The following PARS2 variants were observed in gnomAD, a reference collection of about 807,000 sequenced individuals.
PARS2 encodes the protein prolyl-tRNA synthetase 2, mitochondrial.
In PARS2, 20 loss-of-function variants were observed where a neutral mutation model predicts 27.4. The ratio of observed to expected loss-of-function variants is 0.73; its 90% confidence interval spans 0.51 to 1.06. The LOEUF is 1.06. Among genes scored for constraint, PARS2 ranks in the 50% least tolerant of loss-of-function variants. The pLI, the probability that PARS2 is intolerant of heterozygous loss-of-function variation, is 0.00. For missense variants in PARS2, 585 were observed against 602.1 expected (o/e 0.97, Z 0.30); for synonymous variants, 240 against 247.1 (o/e 0.97, Z 0.27).
At chr1:54,759,225 A>C in intron 1 of PARS2, 35 bp from the exon 2 acceptor site, 1 of 1,341,420 alleles carries the variant, frequency 7.5e-7, no homozygotes, top group Non-Finnish European at 1.0e-6. Context: ...AATGAGCCTC[A>C]TCCGTGTTCC....
In PARS2 at chr1:54,758,804, G is replaced by A. The variant is rs1189813013; in HGVS notation, c.358C>T (p.Pro120Ser). ...QAIGGQKVNM[P>S]SLSPAELWQA... ...CAGAGCTCTGCCGGGCTGAGGCTGG[G>A]CATGTTGACTTTCTGGCCCCCGATG... The change falls in exon 2 of 2, where the codon CCC becomes TCC. Residue 120 changes from proline to serine, a missense_variant. Pro to Ser is a moderately conservative substitution (Grantham distance 74). Coordinates refer to ENST00000371279, the MANE Select transcript of PARS2 (RefSeq NM_152268.4). The A allele has an allele frequency of 6.2e-7, 1 of 1,614,104 alleles. No homozygotes were observed. The highest frequency in any genetic ancestry group is 1.1e-5 in the South Asian group (1 of 91,082).
At chr1:54,762,721 G>A (rs1646164371) in intron 1 of PARS2, among the ~76,000 whole-genome samples, 1 of 152,116 alleles carries the variant, frequency 6.6e-6, no homozygotes, top group Admixed American at 6.5e-5. Context: ...TCAATAACAT[G>A]TTCCTTTTTT....
intron 1 of PARS2, among the ~76,000 whole-genome samples, chr1:54,760,392 C>G (rs1420573647): frequency 1.3e-5 from 2 of 152,238 alleles, no homozygotes; most frequent in Admixed American, 1.3e-4. Context: ...TTCGCCTGCT[C>G]TGCTCCTCTC....
At chr1:54,760,784 CTT>C (rs377045963) in intron 1 of PARS2, among the ~76,000 whole-genome samples, 2 of 147,118 alleles carry the variant, frequency 1.4e-5, no homozygotes, top group South Asian at 2.1e-4. Context: ...CACGCCCACT[CTT>C]TTTTTTTTTT....
chr1:54,763,666 G>A (rs1646169291), intron 1 of PARS2, among the ~76,000 whole-genome samples: 1 of 152,190 alleles, frequency 6.6e-6, no homozygotes, highest in Non-Finnish European at 1.5e-5. Flanking sequence ...GAGCAATACA[G>A]TAACTAACGT....
Position 54,761,423 on chromosome 1 carries a change from C to T in PARS2, c.-29-2233G>A, listed in dbSNP as rs1489192412. 2.0e-5 allele frequency among the ~76,000 whole-genome samples: 3 copies of T among 152,220 alleles called. No homozygotes were observed. In the East Asian group the frequency reaches 5.8e-4, roughly 29 times the overall value. ...TCTCTGATTTTACAAAATAATCACA[C>T]ATTTCTAATGGCAGTACGACATTCC... On this transcript the variant is annotated intron_variant, in intron 1 of 1. Coordinates refer to ENST00000371279, the MANE Select transcript of PARS2 (RefSeq NM_152268.4).
rs746323251 is a variant in PARS2, at chr1:54,758,849, T to C, written c.313A>G (p.Ile105Val). 11 of 1,614,210 alleles carry C rather than the reference T, an allele frequency of 6.8e-6. No homozygotes were observed. In the East Asian group the frequency reaches 2.2e-4, roughly 33 times the overall value. ...CCGATGGCCTGCATCTCCTGGTCTA[T>C]CACTCGCACGAGCTTCTCCATGGCA... The part of the protein sequence containing the change: ...VRAMEKLVRV[I>V]DQEMQAIGGQ... The change falls in exon 2 of 2, where the codon ATA (isoleucine) becomes GTA (valine). Residue 105 changes from isoleucine to valine, a missense_variant. Ile to Val is a conservative substitution (Grantham distance 29). Transcript: ENST00000371279.
In PARS2 at chr1:54,758,646, C is replaced by CAATTA; in HGVS notation, c.515_516insTAATT (p.Ser173AsnfsTer14). On this transcript the variant is annotated frameshift_variant, in exon 2 of 2. Transcript: ENST00000371279. LOFTEE classifies it high-confidence loss of function. ...GCAGGAAGGGAAGCTGCTTGTAGGA[C>CAATTA]AGTTTCTTCTGGGAGGCAATTAAGG... 6.2e-7 allele frequency: 1 copy of CAATTA among 1,614,208 alleles called. No homozygotes were observed. Among genetic ancestry groups the CAATTA allele is most frequent in the Non-Finnish European group, 8.5e-7 (1 of 1,180,040 alleles).
chr1:54,757,478 G>T lies in PARS2; in HGVS notation c.*256C>A. The T allele has an allele frequency of 2.7e-6, 1 of 368,226 alleles. No individual in the cohort carries two copies. Among genetic ancestry groups the T allele is most frequent in the Non-Finnish European group, 4.9e-6 (1 of 204,572 alleles). The allele number at this position is 368,226 out of a possible 1,614,324, so 22.8% of individuals were successfully genotyped here. A position where few individuals can be genotyped will look rare whatever the true frequency, so the allele number is the denominator to read the frequency against. ...GGATCTCCTGCTTCTCAGCCTCCTA[G>T]AAGCTTCCACAATGGAATACAAAAG... On this transcript the variant is annotated 3_prime_UTR_variant, in exon 2 of 2. Coordinates refer to ENST00000371279, the MANE Select transcript of PARS2 (RefSeq NM_152268.4).
Position 54,758,086 on chromosome 1 carries a change from T to A in PARS2, c.1076A>T (p.Asp359Val), listed in dbSNP as rs1646132141. The change falls in exon 2 of 2, where the codon GAC becomes GTC. Residue 359 changes from aspartate to valine, a missense_variant. Physicochemically the swap from Asp to Val is radical, Grantham distance 152. Transcript: ENST00000371279. ...CAGTAGGCTGGGCCAGCGGACACAG[T>A]CTTCTGTAGAGAGGACTTCAATGGC... ...AAAIEVLSTE[D>V]CVRWPSLLAP... is the part of the protein sequence containing the mutation. The A allele has an allele frequency of 1.2e-6, 2 of 1,613,932 alleles. No individual in the cohort carries two copies. Among genetic ancestry groups the A allele is most frequent in the Non-Finnish European group, 1.7e-6 (2 of 1,179,908 alleles).
At position 54,758,989 on chromosome 1, in the gene PARS2, G is replaced by A. The variant is rs372351456; in HGVS notation, c.173C>T (p.Ser58Phe). ...PQNLREDRVL[S>F]LQDKSDDLTC... ...CAGGTCATCAGATTTGTCCTGCAGGGAGAGCACCCGGTCTTCCCGAAGGTT... is the reference window on the plus strand; with the variant it reads ...CAGGTCATCAGATTTGTCCTGCAGGAAGAGCACCCGGTCTTCCCGAAGGTT... Residue 58 changes from serine (S) to phenylalanine (F), a missense_variant, in exon 2 of 2, where the codon TCC becomes TTC. Ser to Phe is a radical substitution (Grantham distance 155). Coordinates refer to ENST00000371279, the MANE Select transcript of PARS2 (RefSeq NM_152268.4). 8.7e-6 allele frequency: 14 copies of A among 1,614,202 alleles called. No homozygotes were observed. Among genetic ancestry groups the A allele is most frequent in the Non-Finnish European group, 1.0e-5 (12 of 1,180,034 alleles).
rs1052310580 is a variant in PARS2 at position 54,757,435 on chromosome 1, C to T, written c.*299G>A. ...GAAGTGACTTCCCCCCTCAGGGTAA[C>T]ACCCAGGACTGGAGCTTGGATCTCC... is the stretch of plus-strand genomic sequence containing the variant. On this transcript the variant is annotated 3_prime_UTR_variant, in exon 2 of 2. Coordinates refer to ENST00000371279, the MANE Select transcript of PARS2 (RefSeq NM_152268.4). 1.9e-5 allele frequency: 5 copies of T among 269,414 alleles called. No individual in the cohort carries two copies. Among genetic ancestry groups the T allele is most frequent in the Admixed American group, 5.0e-5 (1 of 19,984 alleles). 16.7% of individuals were successfully genotyped at this position (269,414 alleles called of 1,614,324 possible).
intron 1 of PARS2, among the ~76,000 whole-genome samples, chr1:54,762,170 C>G (rs1334637530): frequency 6.8e-6 from 1 of 146,012 alleles, no homozygotes; most frequent in Admixed American, 6.8e-5. Context: ...ACAGAGTTCA[C>G]TCTATCACCC....
Position 54,761,151 on chromosome 1 carries a change from C to T in PARS2, c.-29-1961G>A, listed in dbSNP as rs533514893. Among the ~76,000 whole-genome samples, 15 of 152,256 alleles carry T rather than the reference C, an allele frequency of 9.9e-5. No individual in the cohort carries two copies. The South Asian group carries it at 2.3e-3, about 23-fold the overall frequency. On this transcript the variant is annotated intron_variant, in intron 1 of 1. Coordinates refer to ENST00000371279, the MANE Select transcript of PARS2 (RefSeq NM_152268.4). ...TCCCCTTTTCCTGCCAACATCTAGC[C>T]GTCCTCTAGGCCTCAGGATTACCAT...
At chr1:54,763,475 A>T (rs1313015088) in intron 1 of PARS2, among the ~76,000 whole-genome samples, 4 of 152,230 alleles carry the variant, frequency 2.6e-5, no homozygotes, top group Admixed American at 1.3e-4. Context: ...TTAGGCTATT[A>T]TTATCTGTTG....
Position 54,761,207 on chromosome 1 carries a change from T to A in PARS2, c.-29-2017A>T, listed in dbSNP as rs1240182337. 2.0e-5 allele frequency among the ~76,000 whole-genome samples: 3 copies of A among 152,228 alleles called. No homozygotes were observed. In the East Asian group the frequency reaches 5.8e-4, roughly 29 times the overall value. ...CCCCAGGAAGCCTTTCTTGTCCCAC[T>A]CCCCATACCCCCAAAGGGCTGGCTT... On this transcript the variant is annotated intron_variant, in intron 1 of 1. Transcript: ENST00000371279.
Position 54,757,936 on chromosome 1 carries a change from A to G in PARS2, c.1226T>C (p.Leu409Pro). The G allele has an allele frequency of 6.2e-7, 1 of 1,614,116 alleles. No individual in the cohort carries two copies. The highest frequency in any genetic ancestry group is 8.5e-7 in the Non-Finnish European group (1 of 1,180,016). Residue 409 changes from leucine (L) to proline (P), a missense_variant, in exon 2 of 2, where the codon CTC becomes CCC. Leu to Pro is a moderately conservative substitution (Grantham distance 98). Coordinates refer to ENST00000371279, the MANE Select transcript of PARS2 (RefSeq NM_152268.4). ...GGTCAGATGGGTCCTGTCGTCCAGG[A>G]GCACCTCCCCGTGAAGCTGAGGCAC... ...EAVPQLHGEV[L>P]LDDRTHLTIG...
Position 54,758,338 on chromosome 1 carries a change from C to T in PARS2, c.824G>A (p.Arg275His), listed in dbSNP as rs559701159. ...CTCCATGTTGGCTGAGAAGCTGCAGCGGGGACAGATGGCAAGCCGGTCCTC... is the reference window on the plus strand; with the variant it reads ...CTCCATGTTGGCTGAGAAGCTGCAGTGGGGACAGATGGCAAGCCGGTCCTC... ...IGEDRLAICP[R>H]CSFSANMETL... Residue 275 changes from arginine (R) to histidine (H), a missense_variant, in exon 2 of 2, where the codon CGC (arginine) becomes CAC (histidine). Coordinates refer to ENST00000371279, the MANE Select transcript of PARS2 (RefSeq NM_152268.4). 20 of 1,614,174 alleles carry T rather than the reference C, an allele frequency of 1.2e-5. No homozygotes were observed. Among genetic ancestry groups the T allele is most frequent in the South Asian group, 7.7e-5 (7 of 91,078 alleles).
At position 54,758,705 on chromosome 1, in the gene PARS2, A is replaced by T. The variant is rs1180781153; in HGVS notation, c.457T>A (p.Cys153Ser). 6.2e-7 allele frequency: 1 copy of T among 1,614,218 alleles called. No individual in the cohort carries two copies. Among genetic ancestry groups the T allele is most frequent in the Non-Finnish European group, 8.5e-7 (1 of 1,180,046 alleles). ...RLRDRHGKEY[C>S]LGPTHEEAIT... The stretch of plus-strand genomic sequence containing the variant: ...GCTTCCTCGTGAGTTGGTCCTAAGC[A>T]GTATTCCTTGCCATGCCTGTCTCTA... Residue 153 changes from cysteine to serine, a missense_variant, in exon 2 of 2, where the codon TGC (cysteine) becomes AGC (serine). Transcript: ENST00000371279.
Sources: gnomAD v4.1 joint callset for allele counts (sites outside exome capture counted in the v4.1 genomes callset) on GRCh38, gnomAD v4.1.1 for gene constraint, MANE v1.5 for transcripts, NCBI Gene and HGNC (gene_info 2026-07-23, HGNC 2026-07-21) for gene names.